Variants in FMN1 observed in about 807,000 individuals in gnomAD.
FMN1 encodes formin-1.
A neutral mutation model predicts 132.4 loss-of-function variants in FMN1; 110 were observed. The observed-to-expected ratio is 0.83, with a 90% confidence interval of 0.71 to 0.97. The LOEUF (loss-of-function observed/expected upper bound fraction) is 0.97. FMN1 is among the 50% of genes least tolerant of loss of function. The probability of loss-of-function intolerance (pLI) is 0.00; values close to 1 mark genes in which losing one functional copy is unlikely to be tolerated. For missense variants in FMN1, 1,792 were observed against 1,705.3 expected (o/e 1.05, Z -0.90); for synonymous variants, 722 against 651.7 (o/e 1.11, Z -1.64).
intron 4 of FMN1, among the ~76,000 whole-genome samples, chr15:33,144,718 A>T (rs1387541304): frequency 1.3e-5 from 2 of 152,110 alleles, no homozygotes; most frequent in Non-Finnish European, 2.9e-5. Flanking sequence ...TATATAAGTA[A>T]GTGCCTTAAA....
intron 4 of FMN1, among the ~76,000 whole-genome samples, chr15:33,125,750 TTGTA>T (rs76924494): frequency 0.094 from 14,327 of 152,034 alleles, 1,931 homozygotes; most frequent in African/African-American, 0.3. Context: ...ATGGCCAACT[TTGTA>T]TGGTGAAATT....
intron 10 of FMN1, among the ~76,000 whole-genome samples, chr15:32,921,679 CTTTTTT>C (rs11421047): frequency 1.4e-5 from 2 of 140,760 alleles, no homozygotes; most frequent in Non-Finnish European, 3.1e-5. Context: ...TCTTTTTTTT[CTTTTTT>C]TTTTTTTCGA....
At chr15:33,184,648 C>T (rs1170682665) in intron 2 of FMN1, among the ~76,000 whole-genome samples, 1 of 151,920 alleles carries the variant, frequency 6.6e-6, no homozygotes, top group African/African-American at 2.4e-5. Flanking sequence ...GGATTACAGG[C>T]GGGCGCCACC....
chr15:33,147,800 C>G (rs1181283144), intron 4 of FMN1, among the ~76,000 whole-genome samples: 1 of 152,106 alleles, frequency 6.6e-6, no homozygotes, highest in Non-Finnish European at 1.5e-5. Context: ...TTTCACATGC[C>G]AATGAGCTAT....
intron 7 of FMN1, among the ~76,000 whole-genome samples, chr15:32,987,788 T>C (rs2053873): frequency 0.3 from 45,933 of 152,080 alleles, 8,224 homozygotes; most frequent in African/African-American, 0.5. Context: ...TAAATCCGAA[T>C]ATTTACCTAT....
chr15:33,014,584 C>G (rs1035164946), intron 6 of FMN1, among the ~76,000 whole-genome samples: 28 of 152,036 alleles, frequency 1.8e-4, no homozygotes, highest in African/African-American at 6.8e-4. Flanking sequence ...ATAATGTAGT[C>G]CATGAAAGAC....
At chr15:32,908,407 T>A in intron 12 of FMN1, 83 bp downstream of exon 12, 1 of 869,476 alleles carries the variant, frequency 1.2e-6, no homozygotes. Context: ...ACATTTAGAT[T>A]TGGTTATTCT....
intron 20 of FMN1, among the ~76,000 whole-genome samples, chr15:32,775,122 G>C (rs936546173): frequency 6.6e-6 from 1 of 152,198 alleles, no homozygotes; most frequent in Non-Finnish European, 1.5e-5. Flanking sequence ...GATGCAGAGA[G>C]AAGCCTTTGA....
At chr15:33,068,115 GC>G in intron 5 of FMN1, 1 of 1,124,448 alleles carries the variant, frequency 8.9e-7, no homozygotes, top group Non-Finnish European at 1.2e-6. Flanking sequence ...TGGAGTCTAT[GC>G]CCAGAAGCAG....
chr15:32,808,524 T>G (rs2057761046), intron 17 of FMN1, among the ~76,000 whole-genome samples: 1 of 152,164 alleles, frequency 6.6e-6, no homozygotes, highest in African/African-American at 2.4e-5. Flanking sequence ...GAGCTTGGGT[T>G]TTGCACCAGG....
intron 16 of FMN1, among the ~76,000 whole-genome samples, chr15:32,883,299 T>A (rs2059814615): frequency 6.6e-6 from 1 of 151,806 alleles, no homozygotes; most frequent in Non-Finnish European, 1.5e-5. Context: ...GCCCAGGAAA[T>A]TTGAGACTAG....
intron 4 of FMN1, among the ~76,000 whole-genome samples, chr15:33,095,727 A>G (rs1321396332): frequency 6.6e-6 from 1 of 152,210 alleles, no homozygotes; most frequent in Non-Finnish European, 1.5e-5. Context: ...GGCATTCATT[A>G]CAAGTAAATT....
chr15:33,191,536 T>C (rs146877720), intron 2 of FMN1, among the ~76,000 whole-genome samples: 37 of 152,342 alleles, frequency 2.4e-4, no homozygotes, highest in African/African-American at 8.2e-4. Context: ...AGGCAGTATT[T>C]GCTGAAAGCG....
chr15:32,985,177 T>G (rs147234832), intron 7 of FMN1, among the ~76,000 whole-genome samples: 1 of 152,220 alleles, frequency 6.6e-6, no homozygotes, highest in East Asian at 1.9e-4. Flanking sequence ...TTGCTAAAAA[T>G]GCTCACATAG....
intron 17 of FMN1, among the ~76,000 whole-genome samples, chr15:32,820,179 G>A (rs2058171848): frequency 6.6e-6 from 1 of 152,032 alleles, no homozygotes; most frequent in Admixed American, 6.6e-5. Context: ...GAGTAACAAA[G>A]ATTCATGATT....
At chr15:32,977,281 C>T (rs1479549547) in intron 7 of FMN1, among the ~76,000 whole-genome samples, 1 of 152,136 alleles carries the variant, frequency 6.6e-6, no homozygotes, top group Non-Finnish European at 1.5e-5. Context: ...TACTATCCAC[C>T]TTATCACTGA....
chr15:33,036,892 T>C (rs2036216786), intron 6 of FMN1, among the ~76,000 whole-genome samples: 1 of 152,230 alleles, frequency 6.6e-6, no homozygotes, highest in Admixed American at 6.5e-5. Context: ...TCCTTTCTCT[T>C]AGAAATAAAT....
intron 7 of FMN1, among the ~76,000 whole-genome samples, chr15:32,972,767 A>C (rs2031894194): frequency 6.6e-6 from 1 of 152,188 alleles, no homozygotes; most frequent in African/African-American, 2.4e-5. Flanking sequence ...GAGTACCTTC[A>C]AACTTGGTAC....
chr15:33,050,106 A>C (rs1033139990), intron 6 of FMN1, among the ~76,000 whole-genome samples: 23 of 152,184 alleles, frequency 1.5e-4, no homozygotes, highest in Non-Finnish European at 3.4e-4. Context: ...CTGTTGGCTA[A>C]AGTGTGTTCT....
Sources: gnomAD v4.1 joint callset for allele counts (sites outside exome capture counted in the v4.1 genomes callset) on GRCh38, gnomAD v4.1.1 for gene constraint, MANE v1.5 for transcripts, NCBI Gene and HGNC (gene_info 2026-07-23, HGNC 2026-07-21) for gene names.